SLC35F5: variants seen among roughly 807,000 people sequenced by gnomAD.
The protein encoded by SLC35F5 is HCV NS5A-transactivated protein 3.
A neutral mutation model predicts 68.6 loss-of-function variants in SLC35F5; 54 were observed. The ratio of observed to expected loss-of-function variants is 0.79; its 90% confidence interval spans 0.63 to 0.99. The LOEUF (loss-of-function observed/expected upper bound fraction) is 0.99. Ranked by LOEUF, SLC35F5 falls within the 50% of genes least tolerant of loss-of-function variation. The pLI is 0.00. For missense variants in SLC35F5, 567 were observed against 626.9 expected (o/e 0.90, Z 1.02); for synonymous variants, 211 against 205.2 (o/e 1.03, Z -0.24).
At position 113,714,385 on chromosome 2, in the gene SLC35F5, CTT is replaced by C. The variant is rs1057453693; in HGVS notation, c.*831_*832del. ...ATAAACATTGTATTTTAATAATACTCTTTGTCACTTCAATTTAAATCATTCCA... is the reference window on the plus strand; with the variant it reads ...ATAAACATTGTATTTTAATAATACTCTGTCACTTCAATTTAAATCATTCCA... On this transcript the variant is annotated 3_prime_UTR_variant, in exon 16 of 16. Transcript: ENST00000245680. 1.3e-5 allele frequency: 2 copies of C among 152,186 alleles called. No individual in the cohort carries two copies. Among genetic ancestry groups the C allele is most frequent in the East Asian group, 1.9e-4 (1 of 5,188 alleles). The allele number at this position is 152,186 out of a possible 1,614,324, so 9.4% of individuals were successfully genotyped here.
At chr2:113,726,005 A>C (rs370991609) in intron 11 of SLC35F5, 2 of 153,280 alleles carry the variant, frequency 1.3e-5, no homozygotes, top group African/African-American at 4.8e-5. Context: ...AAAGGAGATA[A>C]AACTCTTGGT....
At position 113,750,485 on chromosome 2, in the gene SLC35F5, A is replaced by G. The variant is rs376646169; in HGVS notation, c.357T>C (p.Ile119=). 135 of 1,613,758 alleles carry G rather than the reference A, an allele frequency of 8.4e-5. No homozygotes were observed. Among genetic ancestry groups the G allele is most frequent in the Non-Finnish European group, 1.1e-4 (130 of 1,179,810 alleles). ...ACTGTTGTCTCCATGGCTTCCAAAT[A>G]ATAAAGCCCAAAAGGTACAAAACAA... ...SMFVLYLLGF[I]IWKPWRQQCT... Residue 119 remains isoleucine (I), a synonymous_variant, in exon 4 of 16, where the codon ATT becomes ATC. Coordinates refer to ENST00000245680, the MANE Select transcript of SLC35F5 (RefSeq NM_025181.5).
chr2:113,755,836 A>G (rs1676961758), intron 1 of SLC35F5: 1 of 1,548,752 alleles, frequency 6.5e-7, no homozygotes, highest in Admixed American at 2.0e-5. Flanking sequence ...GAGTTTCACA[A>G]ATACGGAACT....
At chr2:113,729,320 C>T (rs1687793029) in intron 11 of SLC35F5, 81 bp downstream of exon 11, 9 of 687,930 alleles carry the variant, frequency 1.3e-5, no homozygotes, top group South Asian at 7.7e-5. Flanking sequence ...AAAGGCTTCC[C>T]TATTCCCTCT....
At chr2:113,718,391 C>T (rs1687259066) in intron 14 of SLC35F5, among the ~76,000 whole-genome samples, 1 of 152,068 alleles carries the variant, frequency 6.6e-6, no homozygotes, top group South Asian at 2.1e-4. Context: ...ATGTAAAAAG[C>T]TTTCATTCTT....
At chr2:113,742,667 T>C (rs1676321893) in intron 7 of SLC35F5, 25 bp downstream of exon 7, 1 of 1,610,714 alleles carries the variant, frequency 6.2e-7, no homozygotes, top group Admixed American at 1.7e-5. Flanking sequence ...AAACATCATA[T>C]GCAAACATAT....
intron 11 of SLC35F5, among the ~76,000 whole-genome samples, chr2:113,727,621 C>T (rs1396221267): frequency 3.9e-5 from 6 of 152,066 alleles, no homozygotes; most frequent in South Asian, 2.1e-4. Context: ...TTCCACAAAG[C>T]GAAGTTCCAG....
At chr2:113,754,931 GTCTC>G (rs941271162) in intron 3 of SLC35F5, among the ~76,000 whole-genome samples, 2 of 142,024 alleles carry the variant, frequency 1.4e-5, no homozygotes, top group African/African-American at 2.5e-5. Context: ...AATATGCATA[GTCTC>G]TCTAAGTAAC....
chr2:113,735,081 G>A (rs1002832239), intron 8 of SLC35F5, among the ~76,000 whole-genome samples: 3 of 152,012 alleles, frequency 2.0e-5, no homozygotes, highest in Non-Finnish European at 2.9e-5. Context: ...CCTATCATAG[G>A]GCAAATTATA....
At chr2:113,717,599 G>C (rs889444988) in intron 15 of SLC35F5, 154 bp downstream of exon 15, 10 of 524,890 alleles carry the variant, frequency 1.9e-5, no homozygotes, top group Admixed American at 3.7e-5. Flanking sequence ...CACACAGCTA[G>C]TATGTGGAGA....
chr2:113,744,233 T>C (rs1372105092), intron 5 of SLC35F5, among the ~76,000 whole-genome samples: 1 of 152,164 alleles, frequency 6.6e-6, no homozygotes, highest in African/African-American at 2.4e-5. Context: ...TCAGTGATCA[T>C]GCAGTCTAAC....
chr2:113,752,938 G>C (rs1676803275), intron 3 of SLC35F5, among the ~76,000 whole-genome samples: 2 of 152,004 alleles, frequency 1.3e-5, no homozygotes, highest in African/African-American at 4.8e-5. Context: ...AGAAATCGTG[G>C]GTGAAATGGC....
At chr2:113,749,752 C>T (rs2104481297) in intron 4 of SLC35F5, among the ~76,000 whole-genome samples, 1 of 152,110 alleles carries the variant, frequency 6.6e-6, no homozygotes, top group South Asian at 2.1e-4. Context: ...CGCTTAATGC[C>T]ACTACTATAC....
Position 113,707,616 on chromosome 2 carries a change from G to T in SLC35F5, c.*7602C>A, listed in dbSNP as rs1373592727. Reference sequence around the variant, plus strand: ...GCTCTGTCACCCAGGCTGGAGTGCAGTGGTGTGATCTCAGCTCACTGCAAC... The same window carrying T: ...GCTCTGTCACCCAGGCTGGAGTGCATTGGTGTGATCTCAGCTCACTGCAAC... On this transcript the variant is annotated 3_prime_UTR_variant, in exon 16 of 16. Coordinates refer to ENST00000245680, the MANE Select transcript of SLC35F5 (RefSeq NM_025181.5). 6.6e-6 allele frequency among the ~76,000 whole-genome samples: 1 copy of T among 152,170 alleles called. No homozygotes were observed. The highest frequency in any genetic ancestry group is 1.5e-5 in the Non-Finnish European group (1 of 68,036).
intron 12 of SLC35F5, 124 bp downstream of exon 12, chr2:113,725,254 C>T: frequency 1.2e-6 from 1 of 809,948 alleles, no homozygotes; most frequent in Non-Finnish European, 2.0e-6. Flanking sequence ...TTAAAGTATT[C>T]AGTTGTATGT....
rs757302465 is a variant in SLC35F5 at position 113,735,833 on chromosome 2, T to C, written c.776A>G (p.Gln259Arg). The change falls in exon 8 of 16, where the codon CAA becomes CGA. Residue 259 changes from glutamine (Q) to arginine (R), a missense_variant. Transcript: ENST00000245680. The part of the protein sequence containing the change: ...FVWFLANLSY[Q>R]EALSDTQVAI... The stretch of plus-strand genomic sequence containing the variant: ...AACTTGTGTGTCTGAAAGTGCTTCT[T>C]GATATGACAAATTTGCCAAAAACCA... The C allele has an allele frequency of 6.2e-7, 1 of 1,609,558 alleles. No homozygotes were observed. The highest frequency in any genetic ancestry group is 8.5e-7 in the Non-Finnish European group (1 of 1,178,324).
At chr2:113,746,962 T>C (rs28392566) in intron 4 of SLC35F5, among the ~76,000 whole-genome samples, 13,833 of 149,528 alleles carry the variant, frequency 0.093, 804 homozygotes, top group Non-Finnish European at 0.13. Flanking sequence ...AACATCTTGG[T>C]ATTATTATGA....
downstream of SLC35F5, among the ~76,000 whole-genome samples, chr2:113,704,457 G>A (rs897296308): frequency 4.6e-5 from 7 of 152,226 alleles, no homozygotes; most frequent in Non-Finnish European, 7.3e-5. Flanking sequence ...ATGGGACTGG[G>A]CACCGCGGAG....
intron 4 of SLC35F5, among the ~76,000 whole-genome samples, chr2:113,748,299 G>A (rs77673579): frequency 0.11 from 16,409 of 147,594 alleles, 975 homozygotes; most frequent in Non-Finnish European, 0.13. Flanking sequence ...CCGACTAACC[G>A]GGATTACAGG....
Sources: allele counts gnomAD v4.1 joint callset (sites outside exome capture counted in the v4.1 genomes callset), GRCh38; gene constraint gnomAD v4.1.1; transcripts MANE v1.5; gene names NCBI Gene and HGNC (gene_info 2026-07-23, HGNC 2026-07-21).